The following CPED1 variants were observed in gnomAD, a reference collection of about 807,000 sequenced individuals.
The protein encoded by CPED1 is cadherin like and PC-esterase domain containing 1, also known as cadherin-like and PC-esterase domain-containing protein 1.
CPED1 carries 114 observed loss-of-function variants against 128.2 expected under a neutral mutation model. The ratio of observed to expected loss-of-function variants is 0.89; its 90% CI spans 0.76 to 1.04. CPED1 has a LOEUF of 1.04. Ranked by LOEUF, CPED1 falls within the 50% of genes least tolerant of loss-of-function variation. CPED1 has a pLI of 0.00. For synonymous variants in CPED1, 462 were observed against 426.7 expected (o/e 1.08, Z -1.02); for missense variants, 1,211 against 1,207.1 (o/e 1.00, Z -0.05).
chr7:121,196,833 T>G (rs900018600), intron 16 of CPED1, among the ~76,000 whole-genome samples: 2 of 152,080 alleles, frequency 1.3e-5, no homozygotes, highest in African/African-American at 4.8e-5. Flanking sequence ...TTTTAAACCT[T>G]TTCCCACAAG....
intron 2 of CPED1, among the ~76,000 whole-genome samples, chr7:121,007,428 A>G (rs2116785165): frequency 6.6e-6 from 1 of 152,142 alleles, no homozygotes; most frequent in South Asian, 2.1e-4. Flanking sequence ...CCTTCAGATT[A>G]TATGTTTACT....
intron 8 of CPED1, among the ~76,000 whole-genome samples, chr7:121,125,090 CTTAGT>C (rs1181589777): frequency 1.3e-5 from 2 of 151,876 alleles, no homozygotes; most frequent in African/African-American, 4.8e-5. Flanking sequence ...AACTTTATTG[CTTAGT>C]TTAATGTGTT....
intron 7 of CPED1, among the ~76,000 whole-genome samples, chr7:121,117,696 C>G (rs1360889296): frequency 1.3e-5 from 2 of 152,008 alleles, no homozygotes; most frequent in Non-Finnish European, 2.9e-5. Context: ...CCCCAAGGGG[C>G]TCAGAGGCAC....
At chr7:120,998,684 C>T (rs1297364030) in intron 2 of CPED1, among the ~76,000 whole-genome samples, 1 of 152,092 alleles carries the variant, frequency 6.6e-6, no homozygotes, top group Non-Finnish European at 1.5e-5. Flanking sequence ...TCTCTATCCC[C>T]CAGCCTCTAA....
intron 5 of CPED1, among the ~76,000 whole-genome samples, chr7:121,069,564 AG>A (rs1222032818): frequency 1.3e-5 from 2 of 152,116 alleles, no homozygotes; most frequent in African/African-American, 4.8e-5. Context: ...TCCATTCCAT[AG>A]CCAGAGTGTA....
chr7:121,286,847 G>A (rs144174425), intron 22 of CPED1, among the ~76,000 whole-genome samples: 43 of 152,202 alleles, frequency 2.8e-4, no homozygotes, highest in East Asian at 1.2e-3. Flanking sequence ...CTGAGACTGC[G>A]TAATTTATAA....
chr7:121,013,469 T>C (rs568552404), intron 2 of CPED1, among the ~76,000 whole-genome samples: 1 of 152,352 alleles, frequency 6.6e-6, no homozygotes, highest in Non-Finnish European at 1.5e-5. Context: ...TGTTAACATG[T>C]GCCAGGCAGA....
At chr7:121,230,405 T>G (rs1171528516) in intron 16 of CPED1, among the ~76,000 whole-genome samples, 1 of 152,032 alleles carries the variant, frequency 6.6e-6, no homozygotes, top group Non-Finnish European at 1.5e-5. Context: ...TTTCAGCTGT[T>G]TGGTGAGTAA....
At chr7:121,268,013 C>CA (rs1792164741) in intron 21 of CPED1, among the ~76,000 whole-genome samples, 1 of 131,062 alleles carries the variant, frequency 7.6e-6, no homozygotes, top group African/African-American at 2.6e-5. Flanking sequence ...TTCTGTGATG[C>CA]AAAAACAGGA....
chr7:121,013,766 T>C (rs922822838), intron 2 of CPED1, among the ~76,000 whole-genome samples: 1 of 152,210 alleles, frequency 6.6e-6, no homozygotes, highest in Non-Finnish European at 1.5e-5. Flanking sequence ...CAATAGTTTG[T>C]GTGCAATAAA....
At chr7:121,033,997 G>A (rs1324387056) in intron 3 of CPED1, among the ~76,000 whole-genome samples, 1 of 152,086 alleles carries the variant, frequency 6.6e-6, no homozygotes, top group African/African-American at 2.4e-5. Flanking sequence ...TTTCACATAA[G>A]TCATGAAAAA....
chr7:121,124,495 A>T (rs554039793), intron 8 of CPED1, 22 bp downstream of exon 8: 57 of 1,131,522 alleles, frequency 5.0e-5, no homozygotes, highest in Non-Finnish European at 5.7e-5. Context: ...ATTTTAATTT[A>T]AAAAAAAAAG....
intron 5 of CPED1, among the ~76,000 whole-genome samples, chr7:121,086,805 C>A (rs868217366): frequency 4.3e-4 from 66 of 152,294 alleles, no homozygotes; most frequent in Middle Eastern, 3.4e-3. Context: ...GAACTTTTGC[C>A]ACTTTTCACT....
At position 121,077,848 on chromosome 7, in the gene CPED1, G is replaced by A. The variant is rs746593211; in HGVS notation, c.616+13535G>A. Among the ~76,000 whole-genome samples, 12 of 151,510 alleles carry A rather than the reference G, an allele frequency of 7.9e-5. No individual in the cohort carries two copies. The South Asian group carries it at 1.0e-3, about 13-fold the overall frequency. ...TTATGGTATTTCTAGGCTCACATACGTTTAAAATTTTTATATAATCAAATT... is the reference window on the plus strand; with the variant it reads ...TTATGGTATTTCTAGGCTCACATACATTTAAAATTTTTATATAATCAAATT... On this transcript the variant is annotated intron_variant, in intron 5 of 22. Transcript: ENST00000310396.
rs765846204 is a variant in CPED1 at position 121,100,074 on chromosome 7, A to T, written c.898A>T (p.Lys300Ter). Residue 300 changes from lysine to a stop codon, truncating the protein, a stop_gained, in exon 7 of 23, where the codon AAA becomes TAA. Transcript: ENST00000310396. LOFTEE classifies it high-confidence loss of function. ...STGTVWNPPK[K>*]KRFTVKLQTF... ...GGGCACAGTTTGGAATCCACCAAAG[A>T]AAAAACGCTTCACTGTCAAGGTAAG... 3 of 1,613,184 alleles carry T rather than the reference A, an allele frequency of 1.9e-6. No individual in the cohort carries two copies. Among genetic ancestry groups the T allele is most frequent in the Non-Finnish European group, 2.5e-6 (3 of 1,179,466 alleles).
chr7:120,992,952 A>G (rs41688), intron 2 of CPED1, among the ~76,000 whole-genome samples: 47,938 of 152,034 alleles, frequency 0.32, 8,067 homozygotes, highest in African/African-American at 0.41. Flanking sequence ...TCATGGTATA[A>G]TATATGCCAA....
intron 22 of CPED1, among the ~76,000 whole-genome samples, chr7:121,282,133 C>G (rs575743741): frequency 1.6e-4 from 25 of 152,294 alleles, no homozygotes; most frequent in African/African-American, 5.8e-4. Context: ...GTCAAGTCAT[C>G]TGCACCCAAA....
At chr7:121,263,548 T>C (rs1312551825) in intron 18 of CPED1, among the ~76,000 whole-genome samples, 1 of 152,042 alleles carries the variant, frequency 6.6e-6, no homozygotes, top group Non-Finnish European at 1.5e-5. Context: ...TCACATAATT[T>C]GTCTAAAATC....
intron 16 of CPED1, among the ~76,000 whole-genome samples, chr7:121,212,281 A>G (rs896269591): frequency 6.6e-6 from 1 of 152,062 alleles, no homozygotes; most frequent in African/African-American, 2.4e-5. Context: ...TAAGGACTGA[A>G]TTGCAAGCTA....
Sources: allele counts gnomAD v4.1 joint callset (sites outside exome capture counted in the v4.1 genomes callset), GRCh38; gene constraint gnomAD v4.1.1; transcripts MANE v1.5; gene names NCBI Gene and HGNC (gene_info 2026-07-23, HGNC 2026-07-21).